Variants in DGKB observed in about 807,000 individuals in gnomAD.
DGKB encodes 90 kDa diacylglycerol kinase.
A neutral mutation model predicts 114.3 loss-of-function variants in DGKB; 67 were observed. That is an observed-to-expected ratio of 0.59 (90% CI 0.48 to 0.72). The LOEUF is 0.72. DGKB is among the 30% of genes least tolerant of loss of function. The probability of loss-of-function intolerance (pLI) is 0.00; values close to 1 mark genes in which losing one functional copy is unlikely to be tolerated. For missense variants in DGKB, 907 were observed against 975.2 expected, an observed-to-expected ratio of 0.93 and a Z score of 0.93; for synonymous variants, 398 against 323.1, an observed-to-expected ratio of 1.23 and a Z score of -2.49.
chr7:14,305,827 C>T (rs1804374039), intron 23 of DGKB, among the ~76,000 whole-genome samples: 1 of 152,090 alleles, frequency 6.6e-6, no homozygotes, highest in Non-Finnish European at 1.5e-5. Flanking sequence ...ATAGCTTGAC[C>T]AGGTCTTAAC....
rs75468131 is a variant in DGKB, at chr7:14,247,871, T to G, written c.2123-69720A>C. On this transcript the variant is annotated intron_variant, in intron 23 of 25. Coordinates refer to ENST00000402815, the MANE Select transcript of DGKB (RefSeq NM_001350709.2). Reference sequence around the variant, plus strand: ...TTTGATGCAATATCACTTGTCTATTTTTGTTTTTGTCGCCCGTACTTTTGG... The same window carrying G: ...TTTGATGCAATATCACTTGTCTATTGTTGTTTTTGTCGCCCGTACTTTTGG... Among the ~76,000 whole-genome samples the G allele has an allele frequency of 1.1e-4, 16 of 152,280 alleles. No individual in the cohort carries two copies. In the East Asian group the frequency reaches 2.9e-3, roughly 28 times the overall value.
intron 23 of DGKB, among the ~76,000 whole-genome samples, chr7:14,194,629 T>A (rs1784769829): frequency 6.6e-6 from 1 of 152,054 alleles, no homozygotes; most frequent in Non-Finnish European, 1.5e-5. Context: ...TTAATATATG[T>A]TATATTATGT....
At chr7:14,338,263 A>G (rs999475592) in intron 23 of DGKB, among the ~76,000 whole-genome samples, 4 of 152,108 alleles carry the variant, frequency 2.6e-5, no homozygotes, top group Non-Finnish European at 5.9e-5. Flanking sequence ...TCCATGAAAT[A>G]CCCCAAATGT....
At chr7:14,928,134 A>G (rs1484725735) in intron 1 of DGKB, among the ~76,000 whole-genome samples, 1 of 151,992 alleles carries the variant, frequency 6.6e-6, no homozygotes, top group Non-Finnish European at 1.5e-5. Flanking sequence ...ATGATTTAAG[A>G]TAAATATGCT....
At chr7:14,908,165 T>A (rs973885998), upstream of DGKB, among the ~76,000 whole-genome samples, 3 of 152,224 alleles carry the variant, frequency 2.0e-5, no homozygotes, top group African/African-American at 7.2e-5. Flanking sequence ...CTCACTTTAT[T>A]ATTTAGACCA....
intron 21 of DGKB, among the ~76,000 whole-genome samples, chr7:14,431,521 C>A (rs1828444654): frequency 6.6e-6 from 1 of 152,054 alleles, no homozygotes; most frequent in Non-Finnish European, 1.5e-5. Flanking sequence ...TGTCACGAAC[C>A]AAAGAAACAA....
At chr7:14,899,422 C>T (rs866862416) in intron 1 of DGKB, among the ~76,000 whole-genome samples, 1 of 152,030 alleles carries the variant, frequency 6.6e-6, no homozygotes, top group South Asian at 2.1e-4. Flanking sequence ...TTTGAGTCTG[C>T]ACTTTATCTG....
intron 21 of DGKB, among the ~76,000 whole-genome samples, chr7:14,416,157 G>A (rs1251120031): frequency 2.0e-5 from 3 of 152,050 alleles, no homozygotes; most frequent in Non-Finnish European, 4.4e-5. Context: ...GTTCATTGTA[G>A]ATTCTGGATA....
chr7:14,431,838 T>C (rs2116317), intron 21 of DGKB, among the ~76,000 whole-genome samples: 17,228 of 152,052 alleles, frequency 0.11, 1,172 homozygotes, highest in East Asian at 0.28. Context: ...AAATAGCCCC[T>C]CATATGCAAT....
At chr7:14,176,816 C>T (rs756428948) in intron 25 of DGKB, 23 bp downstream of exon 25, 2 of 1,604,522 alleles carry the variant, frequency 1.2e-6, no homozygotes, top group South Asian at 1.1e-5. Flanking sequence ...ATTGACATAG[C>T]ATATCAACTA....
chr7:14,148,069 C>T lies in DGKB; in HGVS notation c.*1062G>A, dbSNP rs935370516. On this transcript the variant is annotated 3_prime_UTR_variant, in exon 26 of 26. Coordinates refer to ENST00000402815, the MANE Select transcript of DGKB (RefSeq NM_001350709.2). The stretch of plus-strand genomic sequence containing the variant: ...TTCCTTCAAGTGTACTTAACTGATC[C>T]ATGAAAAATTACACCTATATTTATA... 3.3e-5 allele frequency: 5 copies of T among 152,078 alleles called. No homozygotes were observed. Among genetic ancestry groups the T allele is most frequent in the Admixed American group, 6.6e-5 (1 of 15,244 alleles). The allele number at this position is 152,078 out of a possible 1,614,324, so 9.4% of individuals were successfully genotyped here. A position where few individuals can be genotyped will look rare whatever the true frequency, so the allele number is the denominator to read the frequency against.
At chr7:14,289,817 T>A (rs1413144116) in intron 23 of DGKB, among the ~76,000 whole-genome samples, 2 of 149,170 alleles carry the variant, frequency 1.3e-5, no homozygotes. Flanking sequence ...TTGAGAAACA[T>A]GTCCTTAGCC....
At chr7:14,940,239 CAAG>C (rs915456001) in intron 1 of DGKB, among the ~76,000 whole-genome samples, 2 of 151,960 alleles carry the variant, frequency 1.3e-5, no homozygotes, top group African/African-American at 4.8e-5. Context: ...TGTGTTCTCA[CAAG>C]AACACAAATA....
chr7:14,351,593 T>C (rs1813437973), intron 21 of DGKB, among the ~76,000 whole-genome samples: 1 of 152,230 alleles, frequency 6.6e-6, no homozygotes, highest in Admixed American at 6.5e-5. Context: ...ATCAGCAATT[T>C]ATTTTTTTTT....
intron 23 of DGKB, among the ~76,000 whole-genome samples, chr7:14,299,496 G>A (rs1238874501): frequency 1.3e-5 from 2 of 152,076 alleles, no homozygotes; most frequent in African/African-American, 4.8e-5. Context: ...CAGTTTTGTT[G>A]CAATACAGAA....
chr7:14,259,239 T>TA (rs1358755800), intron 23 of DGKB, among the ~76,000 whole-genome samples: 2 of 152,046 alleles, frequency 1.3e-5, no homozygotes, highest in East Asian at 3.9e-4. Context: ...ATTGTTGACA[T>TA]AAAAAAGCCT....
At chr7:14,451,265 G>C (rs1170882159) in intron 21 of DGKB, among the ~76,000 whole-genome samples, 3 of 152,038 alleles carry the variant, frequency 2.0e-5, no homozygotes, top group Admixed American at 6.6e-5. Context: ...ATATGGGTAG[G>C]ACTCATCTAA....
intron 13 of DGKB, among the ~76,000 whole-genome samples, chr7:14,659,227 G>T (rs557040555): frequency 6.6e-6 from 1 of 151,964 alleles, no homozygotes; most frequent in African/African-American, 2.4e-5. Context: ...AAGGGCTATG[G>T]TGCTGAACAT....
At chr7:14,471,464 A>T (rs1402523676) in intron 21 of DGKB, among the ~76,000 whole-genome samples, 1 of 146,534 alleles carries the variant, frequency 6.8e-6, no homozygotes, top group Non-Finnish European at 1.5e-5. Context: ...TACCATCAAC[A>T]CATAAAGAAT....
Sources: gnomAD v4.1 joint callset for allele counts (sites outside exome capture counted in the v4.1 genomes callset) on GRCh38, gnomAD v4.1.1 for gene constraint, MANE v1.5 for transcripts, NCBI Gene and HGNC (gene_info 2026-07-23, HGNC 2026-07-21) for gene names.